STK39: variants seen among roughly 807,000 people sequenced by gnomAD.
The protein encoded by STK39 is serine/threonine kinase 39.
In STK39, 20 loss-of-function variants were observed where a neutral mutation model predicts 77.8. The ratio of observed to expected loss-of-function variants is 0.26; its 90% CI spans 0.18 to 0.37. The LOEUF is 0.37. Among genes scored for constraint, STK39 ranks in the 10% least tolerant of loss-of-function variants. The pLI is 1.00. For synonymous variants in STK39, 246 were observed against 234.1 expected (o/e 1.05, Z -0.47); for missense variants, 479 against 656.5 (o/e 0.73, Z 2.95).
Position 168,167,504 on chromosome 2 carries a change from C to G in STK39, c.322-97G>C, listed in dbSNP as rs1313079598. The G allele has an allele frequency of 2.9e-6, 3 of 1,044,594 alleles. No individual in the cohort carries two copies. In the Admixed American group the frequency reaches 6.1e-5, roughly 21 times the overall value. The allele number at this position is 1,044,594 out of a possible 1,614,324, so 64.7% of individuals were successfully genotyped here. A position where few individuals can be genotyped will look rare whatever the true frequency, so the allele number is the denominator to read the frequency against. On this transcript the variant is annotated intron_variant, in intron 2 of 17. Coordinates refer to ENST00000355999, the MANE Select transcript of STK39 (RefSeq NM_013233.3). ...GTTGAGTACCTGGGTAACTTTCCTA[C>G]TCGAAAGCCTACCTGAGGGGCTGCC...
chr2:168,080,766 G>C (rs538649358), intron 10 of STK39, among the ~76,000 whole-genome samples: 2 of 152,362 alleles, frequency 1.3e-5, no homozygotes, highest in East Asian at 3.9e-4. Flanking sequence ...GCTGGGCCCA[G>C]GGTCCCTCTG....
At position 168,231,354 on chromosome 2, in the gene STK39, C is replaced by T. The variant is rs75331064; in HGVS notation, c.208+15874G>A. On this transcript the variant is annotated intron_variant, in intron 1 of 17. Transcript: ENST00000355999. Reference sequence around the variant, plus strand: ...GTTTTTTACCAGAAAATAACCACCACCTTTGTTAACATAATAACAACAGAA... The same window carrying T: ...GTTTTTTACCAGAAAATAACCACCATCTTTGTTAACATAATAACAACAGAA... 5.7e-3 allele frequency among the ~76,000 whole-genome samples: 868 copies of T among 152,118 alleles called. 10 individuals carry two copies. The highest frequency in any genetic ancestry group is 0.02 in the African/African-American group (833 of 41,508).
At chr2:168,135,827 A>G (rs183951219) in intron 8 of STK39, among the ~76,000 whole-genome samples, 3 of 152,308 alleles carry the variant, frequency 2.0e-5, no homozygotes, top group East Asian at 3.9e-4. Context: ...ATAGAGAACA[A>G]TTGCACAATA....
intron 10 of STK39, among the ~76,000 whole-genome samples, chr2:168,082,865 T>C (rs2105418871): frequency 1.3e-5 from 2 of 152,322 alleles, no homozygotes; most frequent in East Asian, 3.9e-4. Context: ...ATCTCCAGCC[T>C]CATTCTGACA....
intron 10 of STK39, among the ~76,000 whole-genome samples, chr2:168,105,934 A>G (rs1323593319): frequency 6.6e-6 from 1 of 152,256 alleles, no homozygotes; most frequent in Admixed American, 6.5e-5. Flanking sequence ...GTCCTAGTGT[A>G]CAAACCCTGA....
chr2:168,216,264 A>G (rs1407231044), intron 1 of STK39, among the ~76,000 whole-genome samples: 2 of 152,202 alleles, frequency 1.3e-5, no homozygotes, highest in African/African-American at 2.4e-5. Context: ...AGAGGGAGAC[A>G]GATGAAGGCT....
chr2:168,058,004 T>C (rs1426628737), intron 14 of STK39, among the ~76,000 whole-genome samples: 1 of 152,210 alleles, frequency 6.6e-6, no homozygotes, highest in Non-Finnish European at 1.5e-5. Flanking sequence ...CATTCACCTG[T>C]AAACATGCTT....
intron 16 of STK39, among the ~76,000 whole-genome samples, chr2:167,978,983 C>T (rs907129683): frequency 1.3e-5 from 2 of 151,860 alleles, no homozygotes; most frequent in Non-Finnish European, 2.9e-5. Flanking sequence ...AAAATATGAC[C>T]ATGGTCCATG....
chr2:168,227,120 C>G (rs983391522), intron 1 of STK39, among the ~76,000 whole-genome samples: 1 of 152,120 alleles, frequency 6.6e-6, no homozygotes, highest in Non-Finnish European at 1.5e-5. Context: ...GTAAAATTTA[C>G]AGATTGCAGA....
chr2:168,246,977 C>A (rs1690928184), intron 1 of STK39, among the ~76,000 whole-genome samples: 1 of 148,140 alleles, frequency 6.8e-6, no homozygotes, highest in South Asian at 2.2e-4. Context: ...TTGCAGCATG[C>A]GGCTCGTCTG....
At chr2:168,217,428 T>C (rs2105710355) in intron 1 of STK39, among the ~76,000 whole-genome samples, 1 of 152,286 alleles carries the variant, frequency 6.6e-6, no homozygotes, top group East Asian at 1.9e-4. Flanking sequence ...ACCACAGAAA[T>C]ATAGATCTGG....
chr2:167,972,670 AT>A (rs1692381018), intron 16 of STK39, among the ~76,000 whole-genome samples: 2 of 152,218 alleles, frequency 1.3e-5, no homozygotes, highest in Admixed American at 6.5e-5. Context: ...ATAATAAAAG[AT>A]TTAAAAGGAC....
intron 15 of STK39, among the ~76,000 whole-genome samples, chr2:168,015,257 G>A (rs531136146): frequency 1.6e-4 from 24 of 152,304 alleles, no homozygotes; most frequent in African/African-American, 2.2e-4. Flanking sequence ...CTCAAGTGAG[G>A]AAAGAGAATA....
intron 14 of STK39, among the ~76,000 whole-genome samples, chr2:168,044,258 G>A (rs895348630): frequency 1.3e-5 from 2 of 152,166 alleles, no homozygotes; most frequent in Non-Finnish European, 2.9e-5. Flanking sequence ...GGTAACCTTA[G>A]ACTTAATGGA....
chr2:168,041,651 G>T (rs186493386), intron 14 of STK39, among the ~76,000 whole-genome samples: 1 of 152,236 alleles, frequency 6.6e-6, no homozygotes, highest in East Asian at 1.9e-4. Context: ...CAGCAAATGG[G>T]TACTTTAGAT....
At chr2:168,157,116 T>C (rs542499445) in intron 5 of STK39, among the ~76,000 whole-genome samples, 25 of 152,240 alleles carry the variant, frequency 1.6e-4, no homozygotes, top group Admixed American at 1.4e-3. Context: ...TCATTGCATG[T>C]TTTCCTAGCA....
chr2:168,032,575 T>A (rs10930302), intron 14 of STK39, among the ~76,000 whole-genome samples: 96,424 of 152,066 alleles, frequency 0.63, 32,033 homozygotes, highest in Non-Finnish European at 0.74. Flanking sequence ...ACCTCTTGAG[T>A]AAAAATTTAA....
rs1284277301 is a variant in STK39, at chr2:168,140,351, C to T, written c.778G>A (p.Gly260Arg). The change falls in exon 7 of 18, where the codon GGA becomes AGA. Residue 260 changes from glycine (G) to arginine (R), a missense_variant. Gly to Arg is a moderately radical substitution (Grantham distance 125). This residue lies in a region of STK39 where 139 missense variants were observed against 280.6 expected (regional missense o/e 0.50). Coordinates refer to ENST00000355999, the MANE Select transcript of STK39 (RefSeq NM_013233.3). ...GTTGCTAATTCAATGGCAGTTATTCCAAAACTCCACATGTCAGCCTTGAAG... is the reference window on the plus strand; with the variant it reads ...GTTGCTAATTCAATGGCAGTTATTCTAAAACTCCACATGTCAGCCTTGAAG... ...YDFKADMWSF[G>R]ITAIELATGA... is the part of the protein sequence containing the mutation. 6.2e-7 allele frequency: 1 copy of T among 1,613,820 alleles called. No individual in the cohort carries two copies. Among genetic ancestry groups the T allele is most frequent in the Non-Finnish European group, 8.5e-7 (1 of 1,179,942 alleles).
chr2:168,199,531 C>CTT (rs368936391), intron 1 of STK39, among the ~76,000 whole-genome samples: 24 of 144,532 alleles, frequency 1.7e-4, no homozygotes, highest in South Asian at 4.4e-4. Context: ...TGCATTTTAA[C>CTT]TTTTTTTTTT....
Sources: allele counts gnomAD v4.1 joint callset (sites outside exome capture counted in the v4.1 genomes callset), GRCh38; gene constraint gnomAD v4.1.1; regional missense constraint gnomAD v4.1.1; transcripts MANE v1.5; gene names NCBI Gene and HGNC (gene_info 2026-07-23, HGNC 2026-07-21).